The following TRPS1 variants were observed in gnomAD, a reference collection of about 807,000 sequenced individuals.
TRPS1 encodes the protein transcriptional repressor GATA binding 1, also known as zinc finger transcription factor Trps1.
Under a neutral mutation model 101.2 loss-of-function variants are expected in TRPS1, and 6 were observed. The observed-to-expected ratio is 0.06, with a 90% CI of 0.03 to 0.12. TRPS1 has a LOEUF of 0.12. Among genes scored for constraint, TRPS1 ranks in the 10% least tolerant of loss-of-function variants. The pLI, the probability that TRPS1 is intolerant of heterozygous loss-of-function variation, is 1.00. For missense variants in TRPS1, 1,363 were observed against 1,567.0 expected, an observed-to-expected ratio of 0.87 and a Z score of 2.20; for synonymous variants, 578 against 589.8, an observed-to-expected ratio of 0.98 and a Z score of 0.29.
intron 5 of TRPS1, among the ~76,000 whole-genome samples, chr8:115,481,031 T>C: frequency 6.6e-6 from 1 of 152,238 alleles, no homozygotes; most frequent in Non-Finnish European, 1.5e-5. Context: ...TTAGGTTGCA[T>C]TTATATTTTA....
At chr8:115,668,346 T>G (rs1811980855) in intron 1 of TRPS1, 199 bp downstream of exon 1, 1 of 145,390 alleles carries the variant, frequency 6.9e-6, no homozygotes, top group Non-Finnish European at 1.5e-5. Flanking sequence ...CTCTGCTTTT[T>G]TTTTTTTTTT....
At chr8:115,518,640 T>C (rs551583059) in intron 5 of TRPS1, among the ~76,000 whole-genome samples, 1 of 151,942 alleles carries the variant, frequency 6.6e-6, no homozygotes, top group Non-Finnish European at 1.5e-5. Flanking sequence ...TTGCACAAAA[T>C]TGCATCAACC....
intron 5 of TRPS1, among the ~76,000 whole-genome samples, chr8:115,577,450 T>C (rs868011928): frequency 2.0e-4 from 30 of 152,216 alleles, no homozygotes; most frequent in African/African-American, 5.8e-4. Flanking sequence ...TTCTTCAAAT[T>C]TTCATAAAAA....
intron 4 of TRPS1, among the ~76,000 whole-genome samples, chr8:115,595,135 A>G (rs1817758777): frequency 6.6e-6 from 1 of 152,002 alleles, no homozygotes; most frequent in Non-Finnish European, 1.5e-5. Context: ...ACAACTACAG[A>G]TAAATTATCA....
intron 5 of TRPS1, among the ~76,000 whole-genome samples, chr8:115,449,425 G>A (rs1046679919): frequency 2.6e-5 from 4 of 152,180 alleles, no homozygotes; most frequent in East Asian, 1.9e-4. Context: ...TCCATTCAGC[G>A]TGACTGAAAA....
intron 5 of TRPS1, among the ~76,000 whole-genome samples, chr8:115,555,511 ACTT>A (rs1212881779): frequency 1.1e-4 from 17 of 152,108 alleles, no homozygotes; most frequent in Non-Finnish European, 2.4e-4. Flanking sequence ...TTTGGCAAGT[ACTT>A]CTTTTTTTTT....
chr8:115,494,462 G>C (rs1420885386), intron 5 of TRPS1, among the ~76,000 whole-genome samples: 3 of 152,144 alleles, frequency 2.0e-5, no homozygotes, highest in Non-Finnish European at 2.9e-5. Flanking sequence ...GCAACAAAAA[G>C]AACGAAAGCA....
chr8:115,526,962 C>T (rs1466661187), intron 5 of TRPS1, among the ~76,000 whole-genome samples: 1 of 152,070 alleles, frequency 6.6e-6, no homozygotes, highest in African/African-American at 2.4e-5. Context: ...ATAGATTTTT[C>T]CAGCTACTTA....
chr8:115,631,951 T>TA (rs1368045110), intron 1 of TRPS1, among the ~76,000 whole-genome samples: 1 of 152,074 alleles, frequency 6.6e-6, no homozygotes, highest in Non-Finnish European at 1.5e-5. Flanking sequence ...CTACTGAATT[T>TA]ATTTTTTAAA....
intron 5 of TRPS1, among the ~76,000 whole-genome samples, chr8:115,557,487 T>C (rs1197717719): frequency 6.6e-6 from 1 of 152,164 alleles, no homozygotes; most frequent in African/African-American, 2.4e-5. Flanking sequence ...AATTGAATCA[T>C]GGGAGCAGTT....
At chr8:115,514,066 C>T (rs897498540) in intron 5 of TRPS1, among the ~76,000 whole-genome samples, 1 of 151,658 alleles carries the variant, frequency 6.6e-6, no homozygotes, top group Non-Finnish European at 1.5e-5. Context: ...AAATATAATA[C>T]ACATCCTGAG....
rs1814018149 is a variant in TRPS1, at chr8:115,456,148, TA to T, written c.2701-37697del. 1.1e-4 allele frequency among the ~76,000 whole-genome samples: 17 copies of T among 152,284 alleles called. No homozygotes were observed. In the South Asian group the frequency reaches 3.5e-3, roughly 32 times the overall value. ...TCTTATACAACATACAAAATATAGA[TA>T]AAGTATTTTTATAAATAATTGCAGT... On this transcript the variant is annotated intron_variant, in intron 5 of 6. Coordinates refer to ENST00000395715, the MANE Select transcript of TRPS1 (RefSeq NM_014112.5).
chr8:115,636,103 C>A (rs1818761390), intron 1 of TRPS1, among the ~76,000 whole-genome samples: 1 of 148,758 alleles, frequency 6.7e-6, no homozygotes, highest in Non-Finnish European at 1.5e-5. Flanking sequence ...CTTTTTTTAT[C>A]ATCAGGAATT....
intron 5 of TRPS1, among the ~76,000 whole-genome samples, chr8:115,581,945 T>G (rs1314830902): frequency 6.6e-6 from 1 of 152,192 alleles, no homozygotes; most frequent in Non-Finnish European, 1.5e-5. Flanking sequence ...ATATAGTCAA[T>G]AGTTTTTAAT....
chr8:115,484,127 C>T lies in TRPS1; in HGVS notation c.2701-65675G>A, dbSNP rs530042070. On this transcript the variant is annotated intron_variant, in intron 5 of 6. Coordinates refer to ENST00000395715, the MANE Select transcript of TRPS1 (RefSeq NM_014112.5). ...CAAATAGTTTAGAATAATGAAAGCA[C>T]TTTTGCCATTAAAATAAACCAACAT... 3.3e-5 allele frequency among the ~76,000 whole-genome samples: 5 copies of T among 152,062 alleles called. No individual in the cohort carries two copies. The South Asian group carries it at 1.0e-3, about 32-fold the overall frequency.
intron 5 of TRPS1, 60 bp downstream of exon 5, chr8:115,586,941 G>C (rs1817571276): frequency 6.2e-7 from 1 of 1,606,800 alleles, no homozygotes; most frequent in East Asian, 2.2e-5. Context: ...GAGAAAGAAT[G>C]TGTGTTCCTC....
Position 115,573,800 on chromosome 8 carries a change from T to C in TRPS1, c.2700+13201A>G, listed in dbSNP as rs185834001. Among the ~76,000 whole-genome samples the C allele has an allele frequency of 2.6e-5, 4 of 152,304 alleles. No homozygotes were observed. The East Asian group carries it at 7.7e-4, about 29-fold the overall frequency. On this transcript the variant is annotated intron_variant, in intron 5 of 6. Transcript: ENST00000395715. ...ACTATACCTAACTTTTCATCAAGCT[T>C]TTCTCTTTCCTATATCCTGAAAATG...
At chr8:115,657,766 A>G (rs899783933) in intron 1 of TRPS1, among the ~76,000 whole-genome samples, 2 of 152,294 alleles carry the variant, frequency 1.3e-5, no homozygotes, top group South Asian at 4.1e-4. Context: ...TCAAAATTAT[A>G]CAACTTTATT....
chr8:115,519,357 T>G (rs930130651), intron 5 of TRPS1, among the ~76,000 whole-genome samples: 5 of 151,794 alleles, frequency 3.3e-5, no homozygotes, highest in African/African-American at 1.2e-4. Flanking sequence ...ACTTAAATTT[T>G]TAATTAATTT....
Sources: gnomAD v4.1 joint callset for allele counts (sites outside exome capture counted in the v4.1 genomes callset) on GRCh38, gnomAD v4.1.1 for gene constraint, MANE v1.5 for transcripts, NCBI Gene and HGNC (gene_info 2026-07-23, HGNC 2026-07-21) for gene names.